RBM47: variants seen among roughly 807,000 people sequenced by gnomAD.
The protein encoded by RBM47 is RNA-binding protein 47.
RBM47 carries 21 observed loss-of-function variants against 47.1 expected under a neutral mutation model. The ratio of observed to expected loss-of-function variants is 0.45; its 90% CI spans 0.32 to 0.64. RBM47 has a LOEUF of 0.64. RBM47 is among the 30% of genes least tolerant of loss of function. RBM47 has a pLI of 0.05. For synonymous variants in RBM47, 375 were observed against 361.7 expected (o/e 1.04, Z -0.42); for missense variants, 708 against 870.9 (o/e 0.81, Z 2.35).
intron 2 of RBM47, among the ~76,000 whole-genome samples, chr4:40,528,010 G>A (rs1172621144): frequency 6.6e-6 from 1 of 152,176 alleles, no homozygotes; most frequent in African/African-American, 2.4e-5. Context: ...TGCCCATTAA[G>A]TACTAAAAAA....
intron 3 of RBM47, among the ~76,000 whole-genome samples, chr4:40,442,737 G>A (rs1009894064): frequency 6.6e-6 from 1 of 152,004 alleles, no homozygotes. Flanking sequence ...GCGTGCAGTG[G>A]TGCAGTCTCT....
intron 3 of RBM47, among the ~76,000 whole-genome samples, chr4:40,444,790 G>T (rs566225884): frequency 1.3e-5 from 2 of 151,474 alleles, no homozygotes; most frequent in Admixed American, 1.3e-4. Context: ...TCAGCCTCCT[G>T]AGTAGCTGGT....
At chr4:40,532,615 T>TA (rs1036373127) in intron 2 of RBM47, among the ~76,000 whole-genome samples, 8 of 151,364 alleles carry the variant, frequency 5.3e-5, no homozygotes, top group Non-Finnish European at 1.5e-5. Context: ...CTGGCCTTTT[T>TA]AAAAAAAATA....
intron 1 of RBM47, among the ~76,000 whole-genome samples, chr4:40,600,725 G>A (rs558995095): frequency 8.6e-5 from 13 of 151,296 alleles, no homozygotes; most frequent in African/African-American, 2.9e-4. Flanking sequence ...TCATGCTCAC[G>A]CCTGTAATCC....
At chr4:40,503,198 G>A (rs28758574) in intron 2 of RBM47, among the ~76,000 whole-genome samples, 2,184 of 152,234 alleles carry the variant, frequency 0.014, 42 homozygotes, top group African/African-American at 0.05. Flanking sequence ...AACTGTCACA[G>A]GAGTATGATG....
chr4:40,429,531 T>C (rs1450389735), intron 6 of RBM47, among the ~76,000 whole-genome samples: 1 of 151,194 alleles, frequency 6.6e-6, no homozygotes, highest in Non-Finnish European at 1.5e-5. Flanking sequence ...AGAGCAGGAA[T>C]AAAGAAAAAT....
At chr4:40,620,311 G>A (rs1393443271) in intron 1 of RBM47, among the ~76,000 whole-genome samples, 1 of 151,292 alleles carries the variant, frequency 6.6e-6, no homozygotes, top group South Asian at 2.1e-4. Flanking sequence ...TTCGAGACCA[G>A]CCTGGCCAAC....
At chr4:40,615,583 C>A (rs1736649955) in intron 1 of RBM47, among the ~76,000 whole-genome samples, 2 of 152,170 alleles carry the variant, frequency 1.3e-5, no homozygotes, top group African/African-American at 4.8e-5. Context: ...GAGTTCAAGA[C>A]CAGCCTGGCT....
chr4:40,545,865 C>T (rs947806188), intron 1 of RBM47, among the ~76,000 whole-genome samples: 11 of 151,884 alleles, frequency 7.2e-5, no homozygotes, highest in Non-Finnish European at 1.3e-4. Flanking sequence ...GAGTTTTTCT[C>T]ATCTAATATG....
At chr4:40,462,348 T>A (rs1717277608) in intron 3 of RBM47, among the ~76,000 whole-genome samples, 1 of 152,170 alleles carries the variant, frequency 6.6e-6, no homozygotes, top group Admixed American at 6.5e-5. Context: ...AAAAGAAATT[T>A]GTTTTTGTAC....
intron 1 of RBM47, among the ~76,000 whole-genome samples, chr4:40,562,431 T>C (rs921859932): frequency 6.6e-6 from 1 of 151,826 alleles, no homozygotes; most frequent in Non-Finnish European, 1.5e-5. Flanking sequence ...GTCATTACAT[T>C]TTAGACCCCT....
intron 1 of RBM47, among the ~76,000 whole-genome samples, chr4:40,572,377 A>AT (rs1051863060): frequency 2.7e-5 from 4 of 149,956 alleles, no homozygotes; most frequent in Non-Finnish European, 4.5e-5. Flanking sequence ...AAAAAAAAAA[A>AT]GGCAATGTGG....
At chr4:40,549,521 T>C (rs1364583571) in intron 1 of RBM47, among the ~76,000 whole-genome samples, 1 of 144,448 alleles carries the variant, frequency 6.9e-6, no homozygotes, top group Non-Finnish European at 1.5e-5. Context: ...TTTTTGTTTG[T>C]TCGTTTTTTT....
chr4:40,529,011 G>A (rs1727080196), intron 2 of RBM47, among the ~76,000 whole-genome samples: 1 of 151,626 alleles, frequency 6.6e-6, no homozygotes. Flanking sequence ...AATAAAACAG[G>A]GCCATCTCGT....
chr4:40,539,258 G>T (rs1405506387), intron 2 of RBM47, among the ~76,000 whole-genome samples: 2 of 152,114 alleles, frequency 1.3e-5, no homozygotes, highest in African/African-American at 4.8e-5. Context: ...GGGTCATTTT[G>T]TGACAGTTCC....
chr4:40,601,550 G>A (rs559063965), intron 1 of RBM47, among the ~76,000 whole-genome samples: 2 of 152,326 alleles, frequency 1.3e-5, no homozygotes, highest in Admixed American at 1.3e-4. Flanking sequence ...TTGTTAGCTT[G>A]AGGTTAATTT....
intron 1 of RBM47, among the ~76,000 whole-genome samples, chr4:40,619,829 G>C (rs1737088209): frequency 6.6e-6 from 1 of 152,172 alleles, no homozygotes; most frequent in Non-Finnish European, 1.5e-5. Flanking sequence ...GTCCCAGAGG[G>C]CGGAGAATCT....
chr4:40,494,298 T>G (rs1252061153), intron 2 of RBM47, among the ~76,000 whole-genome samples: 1 of 152,208 alleles, frequency 6.6e-6, no homozygotes, highest in African/African-American at 2.4e-5. Flanking sequence ...AATGTTAACA[T>G]GAGTCCCTTC....
intron 3 of RBM47, among the ~76,000 whole-genome samples, chr4:40,439,942 G>A (rs1037873867): frequency 3.3e-5 from 5 of 152,186 alleles, no homozygotes; most frequent in African/African-American, 7.2e-5. Flanking sequence ...TGAGCACTTG[G>A]AATGGGGCTA....
Sources: allele counts gnomAD v4.1 joint callset (sites outside exome capture counted in the v4.1 genomes callset), GRCh38; gene constraint gnomAD v4.1.1; transcripts MANE v1.5; gene names NCBI Gene and HGNC (gene_info 2026-07-23, HGNC 2026-07-21).